SDK1: variants seen among roughly 807,000 people sequenced by gnomAD.
The protein encoded by SDK1 is protein sidekick-1.
Under a neutral mutation model 245.5 loss-of-function variants are expected in SDK1, and 157 were observed. The ratio of observed to expected loss-of-function variants is 0.64; its 90% confidence interval spans 0.56 to 0.73. The LOEUF is 0.73. SDK1 is among the 30% of genes least tolerant of loss of function. The probability of loss-of-function intolerance (pLI) is 0.00; values close to 1 mark genes in which losing one functional copy is unlikely to be tolerated. For missense variants in SDK1, 3,583 were observed against 3,002.3 expected, an observed-to-expected ratio of 1.19 and a Z score of -4.52; for synonymous variants, 1,647 against 1,278.5, an observed-to-expected ratio of 1.29 and a Z score of -6.15.
At chr7:3,649,832 C>T (rs1782953289) in intron 4 of SDK1, among the ~76,000 whole-genome samples, 1 of 151,990 alleles carries the variant, frequency 6.6e-6, no homozygotes, top group South Asian at 2.1e-4. Flanking sequence ...TGGGAAGGAG[C>T]CAGCCCTGTA....
chr7:3,832,502 GT>G (rs1314933495), intron 5 of SDK1, among the ~76,000 whole-genome samples: 1 of 152,126 alleles, frequency 6.6e-6, no homozygotes, highest in Non-Finnish European at 1.5e-5. Context: ...TTTACAATGT[GT>G]TTGAGAATAT....
intron 3 of SDK1, among the ~76,000 whole-genome samples, chr7:3,640,969 A>C (rs1254358193): frequency 1.3e-5 from 2 of 151,684 alleles, no homozygotes; most frequent in Admixed American, 6.6e-5. Context: ...GGTGTGAGCC[A>C]CTGTGCTCTG....
chr7:3,849,729 T>G (rs1298540520), intron 5 of SDK1, among the ~76,000 whole-genome samples: 1 of 152,222 alleles, frequency 6.6e-6, no homozygotes. Context: ...AGCTGGCCAT[T>G]GCCTGTGTTA....
chr7:3,582,677 C>G (rs186841793), intron 1 of SDK1, among the ~76,000 whole-genome samples: 3 of 33,322 alleles, frequency 9.0e-5, no homozygotes, highest in Non-Finnish European at 1.5e-4. Context: ...TGAACCTAAA[C>G]TAAAGTAAAA....
chr7:3,307,933 C>T (rs1306425366), intron 1 of SDK1, among the ~76,000 whole-genome samples: 1 of 152,142 alleles, frequency 6.6e-6, no homozygotes, highest in African/African-American at 2.4e-5. Flanking sequence ...TGTCTCCTGT[C>T]TGGGGATTCT....
intron 5 of SDK1, among the ~76,000 whole-genome samples, chr7:3,881,828 C>T (rs1005715645): frequency 9.9e-5 from 15 of 152,232 alleles, no homozygotes; most frequent in Non-Finnish European, 1.9e-4. Flanking sequence ...GATTTACTTT[C>T]TCTCAAGTGG....
chr7:3,595,689 T>G (rs1402417358), intron 1 of SDK1, among the ~76,000 whole-genome samples: 1 of 151,850 alleles, frequency 6.6e-6, no homozygotes, highest in Admixed American at 6.6e-5. Flanking sequence ...TTTGAACTAG[T>G]CAAAGTTACC....
chr7:3,968,577 A>G (rs1364213602), intron 10 of SDK1, among the ~76,000 whole-genome samples: 1 of 152,192 alleles, frequency 6.6e-6, no homozygotes, highest in East Asian at 1.9e-4. Flanking sequence ...TTTGAACATA[A>G]TAGCTTTATA....
At chr7:3,971,233 T>C (rs1036136026) in intron 11 of SDK1, among the ~76,000 whole-genome samples, 10 of 152,110 alleles carry the variant, frequency 6.6e-5, no homozygotes, top group African/African-American at 2.4e-4. Context: ...GTGTTTGAGG[T>C]TAAAGCTGAT....
chr7:3,470,973 AGTAT>A (rs777380030), intron 1 of SDK1, among the ~76,000 whole-genome samples: 27 of 152,322 alleles, frequency 1.8e-4, no homozygotes, highest in Non-Finnish European at 3.4e-4. Flanking sequence ...TTGATAAACA[AGTAT>A]CTTTCTTTCC....
intron 1 of SDK1, among the ~76,000 whole-genome samples, chr7:3,493,583 C>G (rs904324253): frequency 2.0e-5 from 3 of 152,156 alleles, no homozygotes; most frequent in Non-Finnish European, 2.9e-5. Flanking sequence ...CTTTCTTGCA[C>G]TATTATTTAA....
chr7:3,747,078 C>T (rs1036221178), intron 4 of SDK1, among the ~76,000 whole-genome samples: 1 of 152,212 alleles, frequency 6.6e-6, no homozygotes, highest in Non-Finnish European at 1.5e-5. Context: ...ATGAAACCAA[C>T]ATTCATCTCC....
rs867492908 is a variant in SDK1 at position 3,417,992 on chromosome 7, A to G, written c.298+116108A>G. ...TGGAACCCTTACAAGTGATTTCTCT[A>G]CTGAGAGCAACTTTTCTTGAGTTTT... is the stretch of plus-strand genomic sequence containing the variant. On this transcript the variant is annotated intron_variant, in intron 1 of 44. Transcript: ENST00000404826. Among the ~76,000 whole-genome samples the G allele has an allele frequency of 7.2e-5, 11 of 152,140 alleles. No individual in the cohort carries two copies. The South Asian group carries it at 2.1e-3, about 29-fold the overall frequency.
At chr7:3,954,212 G>A (rs1194960381) in intron 7 of SDK1, among the ~76,000 whole-genome samples, 1 of 150,250 alleles carries the variant, frequency 6.7e-6, no homozygotes, top group Non-Finnish European at 1.5e-5. Flanking sequence ...GCCCAGTCCT[G>A]TGGAGCAGCC....
intron 28 of SDK1, among the ~76,000 whole-genome samples, chr7:4,140,847 A>G (rs1338268806): frequency 9.2e-5 from 14 of 152,168 alleles, no homozygotes; most frequent in Non-Finnish European, 4.4e-5. Flanking sequence ...CATACCTGCA[A>G]TCCCAGCACT....
chr7:3,814,281 A>G (rs1186426147), intron 4 of SDK1, among the ~76,000 whole-genome samples: 1 of 149,752 alleles, frequency 6.7e-6, no homozygotes, highest in Non-Finnish European at 1.5e-5. Context: ...TCTTGAATTG[A>G]TTTTTGTATA....
intron 1 of SDK1, among the ~76,000 whole-genome samples, chr7:3,341,916 C>A (rs1400843961): frequency 6.6e-6 from 1 of 152,064 alleles, no homozygotes; most frequent in South Asian, 2.1e-4. Context: ...TTGGTAGATA[C>A]ATAAAAAGGT....
chr7:3,470,581 C>T (rs888512913), intron 1 of SDK1, among the ~76,000 whole-genome samples: 17 of 152,054 alleles, frequency 1.1e-4, no homozygotes, highest in Admixed American at 9.2e-4. Context: ...AGAGGTTAAA[C>T]TAGGTACGCT....
At chr7:3,830,591 G>T (rs1302941257) in intron 5 of SDK1, among the ~76,000 whole-genome samples, 1 of 152,094 alleles carries the variant, frequency 6.6e-6, no homozygotes, top group Non-Finnish European at 1.5e-5. Flanking sequence ...AACCTCCTGG[G>T]CTCAAGCGAT....
Sources: allele counts gnomAD v4.1 joint callset (sites outside exome capture counted in the v4.1 genomes callset), GRCh38; gene constraint gnomAD v4.1.1; transcripts MANE v1.5; gene names NCBI Gene and HGNC (gene_info 2026-07-23, HGNC 2026-07-21).